WWOX: variants seen among roughly 807,000 people sequenced by gnomAD.
WWOX encodes the protein WW domain-containing oxidoreductase.
In WWOX, 69 loss-of-function variants were observed where a neutral mutation model predicts 46.2. The observed-to-expected ratio is 1.49, with a 90% CI of 1.23 to 1.82. The LOEUF is 1.82. Among genes scored for constraint, WWOX ranks in the 40% most tolerant of loss-of-function variants. The probability of loss-of-function intolerance (pLI) is 0.00; values close to 1 mark genes in which losing one functional copy is unlikely to be tolerated. For missense variants in WWOX, 919 were observed against 542.6 expected (o/e 1.69, Z -6.89); for synonymous variants, 359 against 202.6 (o/e 1.77, Z -6.56).
At chr16:78,568,659 G>C (rs1294919637) in intron 8 of WWOX, among the ~76,000 whole-genome samples, 1 of 151,858 alleles carries the variant, frequency 6.6e-6, no homozygotes, top group Non-Finnish European at 1.5e-5. Context: ...TATTTTAGTA[G>C]AGGTGGGGTT....
intron 8 of WWOX, among the ~76,000 whole-genome samples, chr16:78,443,730 G>C (rs943338544): frequency 6.6e-6 from 1 of 152,162 alleles, no homozygotes; most frequent in Non-Finnish European, 1.5e-5. Context: ...TCTTCTGTGT[G>C]CCCGTTGGCA....
chr16:78,800,940 G>C (rs1266272382), intron 8 of WWOX, among the ~76,000 whole-genome samples: 1 of 94,858 alleles, frequency 1.1e-5, no homozygotes, highest in Non-Finnish European at 2.5e-5. Context: ...TCAAATGGAA[G>C]TTTCGAAAAA....
At chr16:78,728,840 C>A (rs954079376) in intron 8 of WWOX, among the ~76,000 whole-genome samples, 1 of 152,148 alleles carries the variant, frequency 6.6e-6, no homozygotes, top group Non-Finnish European at 1.5e-5. Flanking sequence ...GTCACTTAAA[C>A]CTTGTGTTGG....
chr16:78,473,130 G>C (rs2084268240), intron 8 of WWOX, among the ~76,000 whole-genome samples: 1 of 152,196 alleles, frequency 6.6e-6, no homozygotes, highest in South Asian at 2.1e-4. Context: ...TATCTTTTAT[G>C]TAATGTTTGT....
At chr16:78,707,599 A>G (rs1264141217) in intron 8 of WWOX, among the ~76,000 whole-genome samples, 3 of 152,028 alleles carry the variant, frequency 2.0e-5, no homozygotes, top group Non-Finnish European at 2.9e-5. Context: ...CAATCTTTTT[A>G]AGGCCCAGCA....
chr16:78,575,085 A>T (rs1319084153), intron 8 of WWOX, among the ~76,000 whole-genome samples: 2 of 45,648 alleles, frequency 4.4e-5, no homozygotes, highest in East Asian at 2.0e-3. Flanking sequence ...ATATATATAT[A>T]TATATATATA....
Position 79,210,299 on chromosome 16 carries a change from C to T in WWOX, c.1057-1309C>T, listed in dbSNP as rs1047189827. On this transcript the variant is annotated intron_variant, in intron 8 of 8. Coordinates refer to ENST00000566780, the MANE Select transcript of WWOX (RefSeq NM_016373.4). ...TGGCAGATTCTTCACGTCGTAACAC[C>T]TTCCTTGGGACCCTATTTCTCAGTA... Among the ~76,000 whole-genome samples the T allele has an allele frequency of 3.3e-5, 5 of 152,176 alleles. No homozygotes were observed. The East Asian group carries it at 5.8e-4, about 18-fold the overall frequency.
At chr16:78,462,044 T>A (rs970613578) in intron 8 of WWOX, among the ~76,000 whole-genome samples, 2 of 152,228 alleles carry the variant, frequency 1.3e-5, no homozygotes, top group Non-Finnish European at 2.9e-5. Context: ...TAGTACCTTT[T>A]TACATATGCA....
chr16:79,033,734 C>T (rs141912713), intron 8 of WWOX, among the ~76,000 whole-genome samples: 2 of 152,208 alleles, frequency 1.3e-5, no homozygotes, highest in African/African-American at 2.4e-5. Context: ...CCAAGCCCAG[C>T]CCCTGGCAAC....
intron 8 of WWOX, chr16:78,890,158 T>A (rs182264484): frequency 6.6e-6 from 1 of 152,284 alleles, no homozygotes; most frequent in African/African-American, 2.4e-5. Context: ...CATAACAGTT[T>A]TGAAGCACAT....
At chr16:78,691,112 C>T (rs146769198) in intron 8 of WWOX, 9,472 of 624,656 alleles carry the variant, frequency 0.015, 103 homozygotes, top group Middle Eastern at 0.033. Flanking sequence ...CTTTGAATAC[C>T]AGTCGTTATT....
intron 5 of WWOX, among the ~76,000 whole-genome samples, chr16:78,333,203 C>A (rs7187467): frequency 0.27 from 40,215 of 151,018 alleles, 5,544 homozygotes; most frequent in African/African-American, 0.33. Flanking sequence ...GGAGCATACT[C>A]CCACACCCAG....
At chr16:78,107,209 A>G (rs8045088) in intron 1 of WWOX, among the ~76,000 whole-genome samples, 14,782 of 152,160 alleles carry the variant, frequency 0.097, 1,634 homozygotes, top group African/African-American at 0.27. Context: ...CCCTTCGAAT[A>G]CCTCTTGTAG....
At chr16:78,915,950 C>G (rs1461119594) in intron 8 of WWOX, among the ~76,000 whole-genome samples, 2 of 152,110 alleles carry the variant, frequency 1.3e-5, no homozygotes, top group East Asian at 3.9e-4. Context: ...CAATCAATGC[C>G]CAGAAATGAA....
At chr16:78,495,300 C>G (rs1245789049) in intron 8 of WWOX, among the ~76,000 whole-genome samples, 1 of 151,612 alleles carries the variant, frequency 6.6e-6, no homozygotes, top group Non-Finnish European at 1.5e-5. Context: ...GCCACCACAC[C>G]CAGCTAATTT....
intron 5 of WWOX, among the ~76,000 whole-genome samples, chr16:78,213,141 C>T (rs1371106876): frequency 2.0e-5 from 3 of 151,126 alleles, no homozygotes; most frequent in African/African-American, 7.3e-5. Flanking sequence ...ATCCCAGCTA[C>T]TCGGGAGACT....
chr16:78,716,819 A>T (rs1285950903), intron 8 of WWOX, among the ~76,000 whole-genome samples: 1 of 152,140 alleles, frequency 6.6e-6, no homozygotes. Flanking sequence ...CCATAGCCTG[A>T]GCTTACCCTC....
At chr16:78,713,600 G>T (rs962741555) in intron 8 of WWOX, among the ~76,000 whole-genome samples, 1 of 152,112 alleles carries the variant, frequency 6.6e-6, no homozygotes, top group African/African-American at 2.4e-5. Context: ...AAATTTGGAT[G>T]CACAGAGACA....
intron 8 of WWOX, among the ~76,000 whole-genome samples, chr16:79,019,659 CA>C (rs1200504654): frequency 6.6e-6 from 1 of 151,794 alleles, no homozygotes; most frequent in Non-Finnish European, 1.5e-5. Flanking sequence ...ACTGGATAAG[CA>C]AGGGAGACTC....
Sources: gnomAD v4.1 joint callset for allele counts (sites outside exome capture counted in the v4.1 genomes callset) on GRCh38, gnomAD v4.1.1 for gene constraint, MANE v1.5 for transcripts, NCBI Gene and HGNC (gene_info 2026-07-23, HGNC 2026-07-21) for gene names.